The following CACNA1I variants were observed in gnomAD, a reference collection of about 807,000 sequenced individuals.
CACNA1I encodes calcium voltage-gated channel subunit alpha1 I, also known as voltage-dependent T-type calcium channel subunit alpha-1I.
A neutral mutation model predicts 201.6 loss-of-function variants in CACNA1I; 74 were observed. That is an observed-to-expected ratio of 0.37 (90% CI 0.30 to 0.45). The LOEUF (loss-of-function observed/expected upper bound fraction) is 0.45. Among genes scored for constraint, CACNA1I ranks in the 20% least tolerant of loss-of-function variants. The pLI is 1.00. For synonymous variants in CACNA1I, 1,431 were observed against 1,345.2 expected (o/e 1.06, Z -1.40); for missense variants, 2,346 against 3,138.1 (o/e 0.75, Z 6.03).
In CACNA1I at chr22:39,619,550, G is replaced by A; in HGVS notation, c.580+143G>A. 4.5e-6 allele frequency: 3 copies of A among 666,130 alleles called. No homozygotes were observed. The South Asian group carries it at 5.1e-5, about 11-fold the overall frequency. 41.3% of individuals were successfully genotyped at this position (666,130 alleles called of 1,614,324 possible). A position where few individuals can be genotyped will look rare whatever the true frequency, so the allele number is the denominator to read the frequency against. On this transcript the variant is annotated intron_variant, in intron 4 of 36. Transcript: ENST00000402142. The stretch of plus-strand genomic sequence containing the variant: ...TGATTAGGGCCCGGGTGTGCTCAGG[G>A]ATCCTGCGGTGTCTATCTAGACAGA...
Position 39,649,671 on chromosome 22 carries a change from G to C in CACNA1I, c.1738G>C (p.Gly580Arg), listed in dbSNP as rs377388542. The C allele has an allele frequency of 2.6e-6, 4 of 1,514,328 alleles. No individual in the cohort carries two copies. The highest frequency in any genetic ancestry group is 3.5e-6 in the Non-Finnish European group (4 of 1,127,822). The allele number at this position is 1,514,328 out of a possible 1,614,324, so 93.8% of individuals were successfully genotyped here. Residue 580 changes from glycine (G) to arginine (R), a missense_variant, in exon 10 of 37, where the codon GGG becomes CGG. Around this residue, in one of 13 missense-constraint regions of CACNA1I, gnomAD observed 312 missense variants for 331.5 expected, o/e 0.94. Transcript: ENST00000402142. This position sits in a 1 kb window ranked among gnomAD's most constrained non-coding sequence, Gnocchi z 7.3. ...CTCGGGCCAGGAGGGCTCGGGCTCCGGGAGCTCCGCTGGTGGCGAGGACGA... is the reference window on the plus strand; with the variant it reads ...CTCGGGCCAGGAGGGCTCGGGCTCCCGGAGCTCCGCTGGTGGCGAGGACGA... ...TDSGQEGSGS[G>R]SSAGGEDEAD...
chr22:39,674,954 G>A (rs1285249703), intron 29 of CACNA1I, among the ~76,000 whole-genome samples: 1 of 152,200 alleles, frequency 6.6e-6, no homozygotes, highest in Non-Finnish European at 1.5e-5. Flanking sequence ...TTGGTATAAA[G>A]GGAAAGTGGC....
At chr22:39,674,435 A>G (rs1569096406) in intron 29 of CACNA1I, among the ~76,000 whole-genome samples, 2 of 152,150 alleles carry the variant, frequency 1.3e-5, no homozygotes, top group Non-Finnish European at 2.9e-5. Context: ...GGGACCTTTG[A>G]GCTTGACTTC....
At chr22:39,670,740 TG>T in intron 25 of CACNA1I, 62 bp from the exon 26 acceptor site, 4 of 1,529,524 alleles carry the variant, frequency 2.6e-6, no homozygotes, top group Non-Finnish European at 3.6e-6. Flanking sequence ...CTTTGTGCTC[TG>T]TGCCCTTTCC....
chr22:39,575,292 C>T (rs911231131), intron 1 of CACNA1I, among the ~76,000 whole-genome samples: 15 of 152,226 alleles, frequency 9.9e-5, no homozygotes, highest in Non-Finnish European at 1.9e-4. Context: ...CTTAACATTT[C>T]CGAGCCCCAG....
chr22:39,674,054 C>A, intron 29 of CACNA1I, 21 bp downstream of exon 29: 1 of 1,610,230 alleles, frequency 6.2e-7, no homozygotes, highest in Non-Finnish European at 8.5e-7. Context: ...CTCTTTCTGG[C>A]AGCCCTCCTA....
chr22:39,600,427 T>C (rs1411410493), intron 2 of CACNA1I, 93 bp from the exon 3 acceptor site: 3 of 1,034,722 alleles, frequency 2.9e-6, no homozygotes, highest in Non-Finnish European at 4.4e-6. Context: ...CTTGCATCCA[T>C]GTGGTGTCCC....
chr22:39,627,987 G>C (rs550332452), intron 4 of CACNA1I, among the ~76,000 whole-genome samples: 21 of 152,300 alleles, frequency 1.4e-4, no homozygotes, highest in South Asian at 6.2e-4. Context: ...TCTGGCGAGC[G>C]CTGGATTTGG....
Position 39,665,487 on chromosome 22 carries a change from C to G in CACNA1I, c.3852-11C>G, listed in dbSNP as rs1358657495. ...AGGGATTATGTGTGCCTGGCCTCTC[C>G]CTGCCGTCAGTGTCATCAGCCGGGC... On this transcript the variant is annotated splice_polypyrimidine_tract_variant and intron_variant, in intron 21 of 36. Coordinates refer to ENST00000402142, the MANE Select transcript of CACNA1I (RefSeq NM_021096.4). The surrounding 1 kb of genome is among the most constrained non-coding windows in gnomAD (Gnocchi z 5.5). 1 of 1,613,412 alleles carries G rather than the reference C, an allele frequency of 6.2e-7. No individual in the cohort carries two copies. Among genetic ancestry groups the G allele is most frequent in the Non-Finnish European group, 8.5e-7 (1 of 1,179,694 alleles).
intron 4 of CACNA1I, among the ~76,000 whole-genome samples, chr22:39,628,551 C>G (rs1205768700): frequency 6.6e-6 from 1 of 152,068 alleles, no homozygotes; most frequent in Non-Finnish European, 1.5e-5. Context: ...GAGCTGCTGG[C>G]TGGCTGAGGT....
intron 4 of CACNA1I, among the ~76,000 whole-genome samples, chr22:39,622,352 G>A (rs558769600): frequency 1.5e-3 from 234 of 151,730 alleles, no homozygotes; most frequent in Non-Finnish European, 2.7e-3. Context: ...TGAGACCCAG[G>A]GGAGGATGGG....
intron 1 of CACNA1I, among the ~76,000 whole-genome samples, chr22:39,589,747 C>T (rs1161362631): frequency 6.6e-6 from 1 of 152,142 alleles, no homozygotes; most frequent in Non-Finnish European, 1.5e-5. Context: ...GCCTGAGCTC[C>T]CCCTCCTTTG....
chr22:39,660,472 A>C, intron 15 of CACNA1I, 35 bp downstream of exon 15: 1 of 1,510,916 alleles, frequency 6.6e-7, no homozygotes, highest in Non-Finnish European at 9.1e-7. Context: ...TAGAGAGCCC[A>C]GAGCCTTCTC....
Position 39,679,949 on chromosome 22 carries a change from CT to C in CACNA1I, c.5541+82del, listed in dbSNP as rs1935648170. On this transcript the variant is annotated intron_variant, in intron 33 of 36. Coordinates refer to ENST00000402142, the MANE Select transcript of CACNA1I (RefSeq NM_021096.4). ...TGGGGGGCCTGTCCGAGGGCAGAGCCTGGCTCTGGGCTGTAGAGACCAGGCT... is the reference window on the plus strand; with the variant it reads ...TGGGGGGCCTGTCCGAGGGCAGAGCCGGCTCTGGGCTGTAGAGACCAGGCT... The C allele has an allele frequency of 2.8e-6, 4 of 1,429,292 alleles. No individual in the cohort carries two copies. In the Admixed American group the frequency reaches 7.8e-5, roughly 28 times the overall value. 88.5% of individuals were successfully genotyped at this position (1,429,292 alleles called of 1,614,324 possible). A position where few individuals can be genotyped will look rare whatever the true frequency, so the allele number is the denominator to read the frequency against.
At chr22:39,636,613 A>G (rs1934226039) in intron 5 of CACNA1I, among the ~76,000 whole-genome samples, 1 of 152,240 alleles carries the variant, frequency 6.6e-6, no homozygotes, top group Admixed American at 6.5e-5. Flanking sequence ...AGGGAGGCTT[A>G]GACCTTAACT....
chr22:39,672,148 T>G, intron 26 of CACNA1I, 51 bp from the exon 27 acceptor site: 1 of 1,162,530 alleles, frequency 8.6e-7, no homozygotes, highest in Non-Finnish European at 1.3e-6. Context: ...GGAGGAAGGT[T>G]GTGGAGCAGG....
Position 39,684,179 on chromosome 22 carries a change from A to T in CACNA1I, c.5831-123A>T. 1 of 735,160 alleles carries T rather than the reference A, an allele frequency of 1.4e-6. No homozygotes were observed. The highest frequency in any genetic ancestry group is 2.3e-6 in the Non-Finnish European group (1 of 433,828). The allele number at this position is 735,160 out of a possible 1,614,324, so 45.5% of individuals were successfully genotyped here. The stretch of plus-strand genomic sequence containing the variant: ...AGGGGGGACTTGTCCACAGTCTCAC[A>T]GTCAGTTTATTAGGTGGCCCCTCAC... On this transcript the variant is annotated intron_variant, in intron 35 of 36. Coordinates refer to ENST00000402142, the MANE Select transcript of CACNA1I (RefSeq NM_021096.4). The surrounding 1 kb of genome is among the most constrained non-coding windows in gnomAD (Gnocchi z 4.6).
chr22:39,663,621 C>A, intron 18 of CACNA1I, 97 bp from the exon 19 acceptor site: 1 of 1,450,220 alleles, frequency 6.9e-7, no homozygotes, highest in Admixed American at 2.0e-5. Context: ...TTCCTCGAGG[C>A]CAGCGTGGTC....
At chr22:39,664,011 C>A (rs1935105222) in intron 19 of CACNA1I, 80 bp from the exon 20 acceptor site, 1 of 1,545,290 alleles carries the variant, frequency 6.5e-7, no homozygotes, top group Admixed American at 1.7e-5. Context: ...CCTCTACGAA[C>A]CTTGGCCAAA....
Sources: allele counts gnomAD v4.1 joint callset (sites outside exome capture counted in the v4.1 genomes callset), GRCh38; gene constraint gnomAD v4.1.1; regional missense constraint gnomAD v4.1.1; non-coding constraint Gnocchi (gnomAD v3.1); transcripts MANE v1.5; gene names NCBI Gene and HGNC (gene_info 2026-07-23, HGNC 2026-07-21).